The following CLIP1 variants were observed in gnomAD, a reference collection of about 807,000 sequenced individuals.
The protein encoded by CLIP1 is CAP-Gly domain-containing linker protein 1.
A neutral mutation model predicts 161.6 loss-of-function variants in CLIP1; 66 were observed. The observed-to-expected ratio is 0.41, with a 90% CI of 0.33 to 0.50. The LOEUF (loss-of-function observed/expected upper bound fraction) is 0.50, where lower values mean the gene tolerates loss of function less well. CLIP1 is among the 20% of genes least tolerant of loss of function. CLIP1 has a pLI of 0.27. For missense variants in CLIP1, 1,376 were observed against 1,702.0 expected (o/e 0.81, Z 3.37); for synonymous variants, 598 against 626.2 (o/e 0.96, Z 0.67).
At position 122,282,145 on chromosome 12, in the gene CLIP1, T is replaced by C. The variant is rs540077088; in HGVS notation, c.3648-3000A>G. Among the ~76,000 whole-genome samples the C allele has an allele frequency of 3.2e-4, 48 of 152,328 alleles. 1 individual carries two copies. Among genetic ancestry groups the C allele is most frequent in the African/African-American group, 1.1e-3 (47 of 41,570 alleles). On this transcript the variant is annotated intron_variant, in intron 21 of 25. Coordinates refer to ENST00000620786, the MANE Select transcript of CLIP1 (RefSeq NM_001247997.2). ...GCATGGTTAAGAAAGAAATTTGACT[T>C]GTGATTTATACACCAAATGACAGGA...
intron 5 of CLIP1, among the ~76,000 whole-genome samples, chr12:122,356,951 C>T (rs1953417213): frequency 6.6e-6 from 1 of 152,224 alleles, no homozygotes; most frequent in African/African-American, 2.4e-5. Flanking sequence ...TCAATGGTAC[C>T]CAGGCTGGAG....
chr12:122,356,690 C>T (rs1190752508), intron 5 of CLIP1, among the ~76,000 whole-genome samples: 1 of 152,170 alleles, frequency 6.6e-6, no homozygotes, highest in African/African-American at 2.4e-5. Context: ...GATGCCGAGC[C>T]GAAGCTGGAC....
At chr12:122,325,634 T>A (rs1199804225) in intron 17 of CLIP1, among the ~76,000 whole-genome samples, 1 of 146,892 alleles carries the variant, frequency 6.8e-6, no homozygotes, top group African/African-American at 2.5e-5. Flanking sequence ...GTAGACCGCA[T>A]ATATTCCCAT....
intron 2 of CLIP1, among the ~76,000 whole-genome samples, chr12:122,379,765 G>A (rs1301331106): frequency 1.3e-5 from 2 of 151,852 alleles, no homozygotes; most frequent in Non-Finnish European, 2.9e-5. Flanking sequence ...CCAACATGGT[G>A]AAACCCCATC....
intron 1 of CLIP1, among the ~76,000 whole-genome samples, chr12:122,413,681 G>C (rs1340754228): frequency 2.0e-5 from 3 of 152,104 alleles, no homozygotes; most frequent in Non-Finnish European, 2.9e-5. Flanking sequence ...CTTCCCCAGG[G>C]TAAGAGACAC....
At chr12:122,330,632 C>T (rs1236458119) in intron 15 of CLIP1, among the ~76,000 whole-genome samples, 5 of 108,278 alleles carry the variant, frequency 4.6e-5, no homozygotes, top group African/African-American at 2.4e-4. Flanking sequence ...TGGAGTCTCG[C>T]ACTGTTGCCT....
intron 1 of CLIP1, among the ~76,000 whole-genome samples, chr12:122,387,590 ATTTTTTTTTTTTTT>A (rs139790813): frequency 3.2e-4 from 2 of 6,270 alleles, no homozygotes; most frequent in East Asian, 0.011. Context: ...ATATATATAT[ATTTTTTTTTTTTTT>A]TTTTTTTTTT....
intron 20 of CLIP1, among the ~76,000 whole-genome samples, chr12:122,306,933 G>A (rs1487742916): frequency 6.6e-6 from 1 of 150,462 alleles, no homozygotes; most frequent in Non-Finnish European, 1.5e-5. Context: ...GGACAAACAG[G>A]CTTTCAAACA....
chr12:122,305,777 C>T (rs549838656), intron 20 of CLIP1, among the ~76,000 whole-genome samples: 2 of 152,044 alleles, frequency 1.3e-5, no homozygotes, highest in Non-Finnish European at 2.9e-5. Flanking sequence ...GAATAAAAAG[C>T]AGTCAGATGG....
chr12:122,376,167 A>T (rs4758693), intron 3 of CLIP1, among the ~76,000 whole-genome samples: 52,616 of 151,692 alleles, frequency 0.35, 9,544 homozygotes, highest in East Asian at 0.6. Flanking sequence ...TGAACTCCTG[A>T]CCTCAAGTGA....
rs376850367 is a variant in CLIP1, at chr12:122,393,377, G to T, written c.-106-12819C>A. Among the ~76,000 whole-genome samples, 14 of 151,174 alleles carry T rather than the reference G, an allele frequency of 9.3e-5. No individual in the cohort carries two copies. The South Asian group carries it at 2.3e-3, about 25-fold the overall frequency. ...AGGTTTCACCATATTGGCCAGGAGG[G>T]TCTCGATTTCCTGACCTCAAGTGAT... On this transcript the variant is annotated intron_variant, in intron 1 of 25. Coordinates refer to ENST00000620786, the MANE Select transcript of CLIP1 (RefSeq NM_001247997.2).
chr12:122,321,124 C>A (rs991265386), intron 17 of CLIP1, among the ~76,000 whole-genome samples: 4 of 152,114 alleles, frequency 2.6e-5, no homozygotes, highest in Non-Finnish European at 5.9e-5. Flanking sequence ...GCATTTTTCC[C>A]TATCCAATTA....
At chr12:122,292,731 C>T (rs150289369) in intron 20 of CLIP1, among the ~76,000 whole-genome samples, 10 of 152,096 alleles carry the variant, frequency 6.6e-5, no homozygotes, top group Admixed American at 6.5e-4. Context: ...TGGCCGGGCA[C>T]GGTGGCTCAA....
intron 3 of CLIP1, 130 bp downstream of exon 3, chr12:122,377,259 C>CA: frequency 1.3e-6 from 1 of 781,894 alleles, no homozygotes; most frequent in Non-Finnish European, 2.1e-6. Flanking sequence ...CCACCCGCCT[C>CA]AGCCTCCCAA....
At chr12:122,321,065 T>C (rs1374448888) in intron 17 of CLIP1, among the ~76,000 whole-genome samples, 1 of 148,740 alleles carries the variant, frequency 6.7e-6, no homozygotes, top group Non-Finnish European at 1.5e-5. Flanking sequence ...TAAAGTCCTT[T>C]AGGCACTTGT....
chr12:122,297,781 G>A (rs1026028265), intron 20 of CLIP1, among the ~76,000 whole-genome samples: 1 of 152,194 alleles, frequency 6.6e-6, no homozygotes, highest in Non-Finnish European at 1.5e-5. Context: ...GAAGAAGGGA[G>A]TGGCGCAGAC....
At chr12:122,293,857 T>G (rs1006621405) in intron 20 of CLIP1, among the ~76,000 whole-genome samples, 22 of 148,668 alleles carry the variant, frequency 1.5e-4, no homozygotes, top group Non-Finnish European at 2.8e-4. Flanking sequence ...CAGGCTGGAG[T>G]GCAGCGGCGC....
chr12:122,354,955 AC>A (rs1274654681), intron 6 of CLIP1, 159 bp downstream of exon 6: 3 of 657,212 alleles, frequency 4.6e-6, no homozygotes, highest in Admixed American at 5.8e-5. Context: ...GGAAACTGGC[AC>A]CCCAGACTGT....
chr12:122,391,030 TGTAA>T (rs1955635759), intron 1 of CLIP1, among the ~76,000 whole-genome samples: 1 of 152,144 alleles, frequency 6.6e-6, no homozygotes, highest in South Asian at 2.1e-4. Context: ...GGCTCACACT[TGTAA>T]TCCCAACACT....
Sources: allele counts gnomAD v4.1 joint callset (sites outside exome capture counted in the v4.1 genomes callset), GRCh38; gene constraint gnomAD v4.1.1; transcripts MANE v1.5; gene names NCBI Gene and HGNC (gene_info 2026-07-23, HGNC 2026-07-21).